FKBP5: variants seen among roughly 807,000 people sequenced by gnomAD.
FKBP5 encodes peptidyl-prolyl cis-trans isomerase FKBP5.
A neutral mutation model predicts 50.5 loss-of-function variants in FKBP5; 23 were observed. That is an observed-to-expected ratio of 0.46 (90% CI 0.33 to 0.65). The LOEUF is 0.65. FKBP5 is among the 30% of genes least tolerant of loss of function. The probability of loss-of-function intolerance (pLI) is 0.02; values close to 1 mark genes in which losing one functional copy is unlikely to be tolerated. For synonymous variants in FKBP5, 176 were observed against 190.6 expected, an observed-to-expected ratio of 0.92 and a Z score of 0.63; for missense variants, 411 against 553.1, an observed-to-expected ratio of 0.74 and a Z score of 2.58.
intron 3 of FKBP5, among the ~76,000 whole-genome samples, chr6:35,634,574 A>G (rs1469441795): frequency 6.6e-6 from 1 of 152,188 alleles, no homozygotes; most frequent in Non-Finnish European, 1.5e-5. Flanking sequence ...GAGTGGCAAG[A>G]GACAGAAAGT....
chr6:35,584,412 T>C (rs73746491), intron 8 of FKBP5: 32,996 of 985,324 alleles, frequency 0.033, 1,399 homozygotes, highest in African/African-American at 0.2. Context: ...GCAGATGGCA[T>C]GAAATACAGA....
chr6:35,597,263 A>G lies in FKBP5; in HGVS notation c.650T>C (p.Leu217Ser). The change falls in exon 6 of 11, where the codon TTA becomes TCA. Residue 217 changes from leucine to serine, a missense_variant. Leu to Ser is a moderately radical substitution (Grantham distance 145, BLOSUM62 -2). This residue lies in a region of FKBP5 where 267 missense variants were observed against 405.9 expected (regional missense o/e 0.66). Coordinates refer to ENST00000357266, the MANE Select transcript of FKBP5 (RefSeq NM_004117.4). Reference protein sequence around the residue: ...EKMQREEQCILYLGPRYGFGE... With the variant: ...EKMQREEQCISYLGPRYGFGE... ...TGCTGCTTACCTTGGTCCAAGATAT[A>G]AAATACATTGTTCTTCCCGCTGCAT... 6.2e-7 allele frequency: 1 copy of G among 1,614,026 alleles called. No individual in the cohort carries two copies. Among genetic ancestry groups the G allele is most frequent in the Non-Finnish European group, 8.5e-7 (1 of 1,179,994 alleles).
At chr6:35,620,317 TA>T (rs1763794088) in intron 3 of FKBP5, 43 bp from the exon 4 acceptor site, 1 of 1,578,806 alleles carries the variant, frequency 6.3e-7, no homozygotes, top group Non-Finnish European at 8.6e-7. Context: ...AAGCCCTATT[TA>T]AAAAGATTTA....
At chr6:35,677,308 T>C (rs7758906) in intron 1 of FKBP5, among the ~76,000 whole-genome samples, 112,521 of 151,874 alleles carry the variant, frequency 0.74, 41,923 homozygotes, top group African/African-American at 0.81. Flanking sequence ...CTCCTGACCT[T>C]GTGATCCGCC....
intron 1 of FKBP5, among the ~76,000 whole-genome samples, chr6:35,650,981 G>C (rs1764782532): frequency 6.6e-6 from 1 of 152,118 alleles, no homozygotes; most frequent in South Asian, 2.1e-4. Context: ...ATATGGAGCA[G>C]GTGACGTCTT....
chr6:35,673,440 C>G lies in FKBP5; in HGVS notation c.-20+15364G>C, dbSNP rs563159151. Among the ~76,000 whole-genome samples, 8 of 151,980 alleles carry G rather than the reference C, an allele frequency of 5.3e-5. No homozygotes were observed. The South Asian group carries it at 1.5e-3, about 28-fold the overall frequency. On this transcript the variant is annotated intron_variant, in intron 1 of 10. Transcript: ENST00000357266. ...TGGTGTGCACCTTTAGTCCCAACTACTTGGGAGGCTGAGGTGGGAAGAACG... is the reference window on the plus strand; with the variant it reads ...TGGTGTGCACCTTTAGTCCCAACTAGTTGGGAGGCTGAGGTGGGAAGAACG...
rs149315947 is a variant in FKBP5, at chr6:35,637,157, A to G, written c.107T>C (p.Ile36Thr). Residue 36 changes from isoleucine (I) to threonine (T), a missense_variant and splice_region_variant, in exon 3 of 11, where the codon ATT becomes ACT. By Grantham distance (89) the Ile-to-Thr change is moderately conservative (BLOSUM62 -1). Coordinates refer to ENST00000357266, the MANE Select transcript of FKBP5 (RefSeq NM_004117.4). ...CTCACCATTCCCCACTCTTTTGACA[A>G]TCTAGAAAAGACAAACATTAAGAAA... ...TSKKDRGVLK[I>T]VKRVGNGEET... 348 of 1,605,458 alleles carry G rather than the reference A, an allele frequency of 2.2e-4. No homozygotes were observed. Among genetic ancestry groups the G allele is most frequent in the Admixed American group, 1.2e-3 (71 of 57,014 alleles).
intron 1 of FKBP5, among the ~76,000 whole-genome samples, chr6:35,670,988 G>A (rs1444960591): frequency 2.0e-5 from 3 of 152,156 alleles, no homozygotes; most frequent in Non-Finnish European, 4.4e-5. Context: ...GCCAGGTGCA[G>A]TGGCTCATGC....
rs75621423 is a variant in FKBP5 at position 35,631,174 on chromosome 6, T to C, written c.250+5840A>G. Among the ~76,000 whole-genome samples the C allele has an allele frequency of 7.3e-3, 1,106 of 152,312 alleles. 11 individuals carry two copies. The highest frequency in any genetic ancestry group is 0.023 in the African/African-American group (955 of 41,578). Reference sequence around the variant, plus strand: ...ACAATACTACGTGTTAATAAGGATATGAAAAACTGAATAGCCCCAAATTGC... The same window carrying C: ...ACAATACTACGTGTTAATAAGGATACGAAAAACTGAATAGCCCCAAATTGC... On this transcript the variant is annotated intron_variant, in intron 3 of 10. Transcript: ENST00000357266.
At chr6:35,666,633 G>A (rs1430736429) in intron 1 of FKBP5, among the ~76,000 whole-genome samples, 2 of 152,226 alleles carry the variant, frequency 1.3e-5, no homozygotes, top group Non-Finnish European at 2.9e-5. Flanking sequence ...GCTCACGCCT[G>A]TAATCCCAGA....
intron 2 of FKBP5, among the ~76,000 whole-genome samples, chr6:35,698,656 T>C (rs1391914466): frequency 6.6e-6 from 1 of 151,864 alleles, no homozygotes; most frequent in Non-Finnish European, 1.5e-5. Context: ...AAATAATAAA[T>C]AAATAAATGA....
chr6:35,699,850 C>T (rs895722852), intron 2 of FKBP5, among the ~76,000 whole-genome samples: 11 of 152,116 alleles, frequency 7.2e-5, no homozygotes, highest in Non-Finnish European at 1.2e-4. Flanking sequence ...AGTTCAAGAC[C>T]GGCCTGGTCA....
At chr6:35,658,030 A>G (rs998511311) in intron 1 of FKBP5, among the ~76,000 whole-genome samples, 5 of 150,632 alleles carry the variant, frequency 3.3e-5, no homozygotes, top group African/African-American at 4.9e-5. Context: ...GGAGTTTGAG[A>G]CCAGCCTGGC....
intron 2 of FKBP5, among the ~76,000 whole-genome samples, chr6:35,698,691 T>A (rs753482545): frequency 6.6e-6 from 1 of 152,140 alleles, no homozygotes; most frequent in Non-Finnish European, 1.5e-5. Flanking sequence ...TTAATTGGAT[T>A]GTGGCTCTGC....
intron 1 of FKBP5, among the ~76,000 whole-genome samples, chr6:35,726,580 ACAGCT>A (rs1766717217): frequency 3.2e-5 from 4 of 126,460 alleles, no homozygotes; most frequent in East Asian, 4.8e-4. Context: ...ACACACACAC[ACAGCT>A]CAAGGCCTAG....
intron 2 of FKBP5, among the ~76,000 whole-genome samples, chr6:35,642,357 G>A (rs1336086747): frequency 6.6e-6 from 1 of 152,154 alleles, no homozygotes; most frequent in Non-Finnish European, 1.5e-5. Flanking sequence ...CAGCTACTCA[G>A]AAGGCTGAGG....
At chr6:35,581,487 G>A in intron 8 of FKBP5, 1 of 736,150 alleles carries the variant, frequency 1.4e-6, no homozygotes, top group Non-Finnish European at 1.7e-6. Context: ...CTACTTAGGA[G>A]GCTGAGGCAG....
chr6:35,603,123 T>C (rs1561852961), intron 5 of FKBP5, among the ~76,000 whole-genome samples: 2 of 152,234 alleles, frequency 1.3e-5, no homozygotes, highest in East Asian at 3.8e-4. Flanking sequence ...AGATACTGAA[T>C]TAGAGCTTTT....
At chr6:35,667,268 G>A (rs1765260184) in intron 1 of FKBP5, among the ~76,000 whole-genome samples, 1 of 152,072 alleles carries the variant, frequency 6.6e-6, no homozygotes, top group Non-Finnish European at 1.5e-5. Context: ...GTCAAGCATT[G>A]TGCCTGATAC....
Sources: allele counts gnomAD v4.1 joint callset (sites outside exome capture counted in the v4.1 genomes callset), GRCh38; gene constraint gnomAD v4.1.1; regional missense constraint gnomAD v4.1.1; transcripts MANE v1.5; gene names NCBI Gene and HGNC (gene_info 2026-07-23, HGNC 2026-07-21).